The following CHD1 variants were observed in gnomAD, a reference collection of about 807,000 sequenced individuals.
The protein encoded by CHD1 is chromodomain helicase DNA binding protein 1.
A neutral mutation model predicts 224.2 loss-of-function variants in CHD1; 36 were observed. That is an observed-to-expected ratio of 0.16 (90% CI 0.12 to 0.21). CHD1 has a LOEUF of 0.21. Among genes scored for constraint, CHD1 ranks in the 10% least tolerant of loss-of-function variants. The pLI, the probability that CHD1 is intolerant of heterozygous loss-of-function variation, is 1.00. For synonymous variants in CHD1, 668 were observed against 658.3 expected (o/e 1.01, Z -0.23); for missense variants, 1,378 against 1,994.8 (o/e 0.69, Z 5.89).
chr5:98,925,502 G>A (rs1336585006), intron 2 of CHD1, among the ~76,000 whole-genome samples: 2 of 152,086 alleles, frequency 1.3e-5, no homozygotes, highest in Non-Finnish European at 2.9e-5. Flanking sequence ...ACTAATAAGA[G>A]GTAGAAATAG....
In CHD1 at chr5:98,856,649, T is replaced by A; in HGVS notation, c.4864A>T (p.Ser1622Cys). 1 of 1,613,754 alleles carries A rather than the reference T, an allele frequency of 6.2e-7. No homozygotes were observed. The highest frequency in any genetic ancestry group is 8.5e-7 in the Non-Finnish European group (1 of 1,179,734). ...SRDHRSNLEG[S>C]LKDRSHSDHR... ...TCAGAATGAGATCTATCTTTTAAACTTCCTTCCAAATTTGACCTGTGATCT... is the reference window on the plus strand; with the variant it reads ...TCAGAATGAGATCTATCTTTTAAACATCCTTCCAAATTTGACCTGTGATCT... The change falls in exon 36 of 36, where the codon AGT becomes TGT. Residue 1622 changes from serine (S) to cysteine (C), a missense_variant. Physicochemically the swap from Ser to Cys is moderately radical, Grantham distance 112 (BLOSUM62 -1). Coordinates refer to ENST00000614616, the MANE Select transcript of CHD1 (RefSeq NM_001270.4).
At chr5:98,880,396 C>A (rs1407037998) in intron 22 of CHD1, among the ~76,000 whole-genome samples, 2 of 152,200 alleles carry the variant, frequency 1.3e-5, no homozygotes. Context: ...CAGAATGATT[C>A]ATTAAAATTA....
chr5:98,905,159 C>T (rs1453230989), intron 2 of CHD1, 61 bp from the exon 3 acceptor site: 17 of 1,592,546 alleles, frequency 1.1e-5, no homozygotes, highest in South Asian at 2.2e-5. Context: ...TTTTCTTAGA[C>T]GTCAGCAGAA....
chr5:98,927,457 G>A (rs1440761139), intron 1 of CHD1, among the ~76,000 whole-genome samples: 1 of 152,088 alleles, frequency 6.6e-6, no homozygotes, highest in Non-Finnish European at 1.5e-5. Flanking sequence ...TCACTCCTAC[G>A]ATTATTTCCA....
chr5:98,858,394 T>TTAG lies in CHD1; in HGVS notation c.4577-7_4577-5dup, dbSNP rs764840172. ...TTCTCTTTTAATCTTTCCACATCTGTTAGATAAGTACAACTTTTATTAATG... is the reference window on the plus strand; with the variant it reads ...TTCTCTTTTAATCTTTCCACATCTGTTAGTAGATAAGTACAACTTTTATTAATG... On this transcript the variant is annotated splice_region_variant and splice_polypyrimidine_tract_variant and intron_variant, in intron 34 of 35. Transcript: ENST00000614616. 6.2e-7 allele frequency: 1 copy of TTAG among 1,605,728 alleles called. No homozygotes were observed. Among genetic ancestry groups the TTAG allele is most frequent in the Non-Finnish European group, 8.5e-7 (1 of 1,173,522 alleles).
At chr5:98,868,774 A>T (rs1159210238) in intron 30 of CHD1, 139 bp from the exon 31 acceptor site, 8 of 877,652 alleles carry the variant, frequency 9.1e-6, no homozygotes, top group Non-Finnish European at 9.8e-6. Context: ...CATCTATTTT[A>T]ATTTGTTTTT....
At chr5:98,888,384 C>G in intron 16 of CHD1, 144 bp from the exon 17 acceptor site, 1 of 649,120 alleles carries the variant, frequency 1.5e-6, no homozygotes, top group Non-Finnish European at 2.5e-6. Context: ...TCAAAATTTT[C>G]TAAGACCTTT....
At chr5:98,920,616 G>A (rs569890781) in intron 2 of CHD1, among the ~76,000 whole-genome samples, 1 of 152,196 alleles carries the variant, frequency 6.6e-6, no homozygotes, top group South Asian at 2.1e-4. Flanking sequence ...GACCAACACA[G>A]AGAAACCCTG....
intron 30 of CHD1, chr5:98,869,457 C>T: frequency 6.6e-6 from 2 of 302,652 alleles, no homozygotes; most frequent in Non-Finnish European, 1.1e-5. Context: ...CATTCAAGTT[C>T]ATAATACAAT....
chr5:98,896,508 T>C (rs1751351745), intron 11 of CHD1, 66 bp from the exon 12 acceptor site: 4 of 1,071,238 alleles, frequency 3.7e-6, no homozygotes, highest in Non-Finnish European at 4.2e-6. Flanking sequence ...CCTTTTTACA[T>C]CATGTGTATA....
chr5:98,903,763 T>C (rs1176574913), intron 4 of CHD1, 29 bp downstream of exon 4: 21 of 1,472,076 alleles, frequency 1.4e-5, no homozygotes, highest in Non-Finnish European at 1.6e-5. Flanking sequence ...TGTCCACTTT[T>C]AAAATAATAG....
chr5:98,888,703 G>C (rs1169096169), intron 16 of CHD1, among the ~76,000 whole-genome samples: 1 of 152,218 alleles, frequency 6.6e-6, no homozygotes, highest in Non-Finnish European at 1.5e-5. Flanking sequence ...TCTTCCAGAA[G>C]TACCAGGAAG....
chr5:98,875,116 A>G lies in CHD1; in HGVS notation c.3399-3T>C. On this transcript the variant is annotated splice_polypyrimidine_tract_variant and splice_region_variant and intron_variant, in intron 24 of 35. Transcript: ENST00000614616. ...ATTTCTTATAGCTCTTGATAAACCT[A>G]AGAGAAAATAATTGTTTGGTAAATG... 2.7e-6 allele frequency: 4 copies of G among 1,491,080 alleles called. No homozygotes were observed. The highest frequency in any genetic ancestry group is 2.8e-6 in the Non-Finnish European group (3 of 1,077,036). The allele number at this position is 1,491,080 out of a possible 1,614,324, so 92.4% of individuals were successfully genotyped here. A position where few individuals can be genotyped will look rare whatever the true frequency, so the allele number is the denominator to read the frequency against.
chr5:98,863,363 TTATATAA>T, intron 32 of CHD1, 38 bp downstream of exon 32: 1 of 1,142,050 alleles, frequency 8.8e-7, no homozygotes, highest in Non-Finnish European at 1.2e-6. Flanking sequence ...AAAAAGACAG[TTATATAA>T]TATAAATTTA....
intron 17 of CHD1, among the ~76,000 whole-genome samples, chr5:98,886,719 A>G (rs929097352): frequency 6.6e-6 from 1 of 152,186 alleles, no homozygotes; most frequent in African/African-American, 2.4e-5. Flanking sequence ...GTAGGAAAAC[A>G]TGTCTATTAA....
At chr5:98,898,033 A>G (rs1200340563) in intron 10 of CHD1, among the ~76,000 whole-genome samples, 2 of 136,566 alleles carry the variant, frequency 1.5e-5, no homozygotes, top group Non-Finnish European at 3.1e-5. Flanking sequence ...CGAAAACATC[A>G]TTTACAATTT....
intron 30 of CHD1, 135 bp downstream of exon 30, chr5:98,869,619 C>T (rs1580373406): frequency 2.5e-6 from 2 of 805,574 alleles, no homozygotes; most frequent in Non-Finnish European, 3.7e-6. Flanking sequence ...CGCACGTGCG[C>T]GCGCACACAC....
In CHD1 at chr5:98,910,027, T is replaced by A. The variant is rs980762938; in HGVS notation, c.54-4929A>T. Among the ~76,000 whole-genome samples the A allele has an allele frequency of 1.6e-4, 25 of 152,318 alleles. No individual in the cohort carries two copies. In the Middle Eastern group the frequency reaches 0.01, roughly 62 times the overall value. ...TTTTATCAAAAAGCCCTTCTATTTA[T>A]AATAAATTAGAAACTAAGTTGCAAT... is the stretch of plus-strand genomic sequence containing the variant. On this transcript the variant is annotated intron_variant, in intron 2 of 35. Coordinates refer to ENST00000614616, the MANE Select transcript of CHD1 (RefSeq NM_001270.4).
chr5:98,872,621 C>A (rs1009532789), intron 26 of CHD1, 66 bp from the exon 27 acceptor site: 4 of 1,270,754 alleles, frequency 3.1e-6, no homozygotes, highest in Non-Finnish European at 4.5e-6. Flanking sequence ...AAACACCAAG[C>A]AACTGATGCT....
Sources: gnomAD v4.1 joint callset for allele counts (sites outside exome capture counted in the v4.1 genomes callset) on GRCh38, gnomAD v4.1.1 for gene constraint, MANE v1.5 for transcripts, NCBI Gene and HGNC (gene_info 2026-07-23, HGNC 2026-07-21) for gene names.